The following HEATR4 variants were observed in gnomAD, a reference collection of about 807,000 sequenced individuals.
HEATR4 encodes HEAT repeat-containing protein 4.
In HEATR4, 95 loss-of-function variants were observed where a neutral mutation model predicts 108.8. The ratio of observed to expected loss-of-function variants is 0.87; its 90% CI spans 0.74 to 1.04. The LOEUF (loss-of-function observed/expected upper bound fraction) is 1.04, where lower values mean the gene tolerates loss of function less well. Ranked by LOEUF, HEATR4 falls within the 50% of genes least tolerant of loss-of-function variation. The probability of loss-of-function intolerance (pLI) is 0.00; values close to 1 mark genes in which losing one functional copy is unlikely to be tolerated. For synonymous variants in HEATR4, 443 were observed against 459.4 expected, an observed-to-expected ratio of 0.96 and a Z score of 0.46; for missense variants, 1,152 against 1,253.8, an observed-to-expected ratio of 0.92 and a Z score of 1.23.
chr14:73,560,841 G>T (rs184950459), upstream of HEATR4, among the ~76,000 whole-genome samples: 1,089 of 151,864 alleles, frequency 7.2e-3, 15 homozygotes, highest in African/African-American at 0.025. Flanking sequence ...CCTGTTGAAG[G>T]TTCCTCAAAA....
chr14:73,505,177 A>C (rs1886731596), intron 10 of HEATR4, among the ~76,000 whole-genome samples: 1 of 152,094 alleles, frequency 6.6e-6, no homozygotes, highest in Admixed American at 6.6e-5. Context: ...TCAGCCTCCC[A>C]AGGTGCTGGG....
the HEATR4 span, chr14:73,619,894 G>A: frequency 2.1e-6 from 3 of 1,447,522 alleles, no homozygotes; most frequent in East Asian, 4.8e-5. Context: ...TACAACTTGT[G>A]TTGGGTTTTC....
At chr14:73,564,444 A>G in the HEATR4 span, among the ~76,000 whole-genome samples, 1 of 151,744 alleles carries the variant, frequency 6.6e-6, no homozygotes, top group Non-Finnish European at 1.5e-5. Context: ...GTCTGTACAA[A>G]TAATTTTAAA....
At position 73,538,095 on chromosome 14, in the gene HEATR4, A is replaced by C. The variant is rs1343564739; in HGVS notation, c.-151-7851T>G. Among the ~76,000 whole-genome samples, 2 of 113,324 alleles carry C rather than the reference A, an allele frequency of 1.8e-5. 1 individual carries two copies. Among genetic ancestry groups the C allele is most frequent in the African/African-American group, 5.8e-5 (2 of 34,752 alleles). 74.3% of individuals were successfully genotyped at this position (113,324 alleles called of 152,430 possible). A position where few individuals can be genotyped will look rare whatever the true frequency, so the allele number is the denominator to read the frequency against. Reference sequence around the variant, plus strand: ...TCCCGCCTCTGCCTCCCCAAGAGCTAGGATTGCAGGGTGAGCCACTGCGCC... The same window carrying C: ...TCCCGCCTCTGCCTCCCCAAGAGCTCGGATTGCAGGGTGAGCCACTGCGCC... On this transcript the variant is annotated intron_variant, in intron 1 of 17. Coordinates refer to ENST00000553558, the MANE Select transcript of HEATR4 (RefSeq NM_001220484.1).
In HEATR4 at chr14:73,557,867, CT is replaced by C. The variant is rs10661756; in HGVS notation, c.-152+883del. 4.1e-3 allele frequency among the ~76,000 whole-genome samples: 334 copies of C among 81,212 alleles called. 5 individuals are homozygous for C. The highest frequency in any genetic ancestry group is 9.2e-3 in the African/African-American group (242 of 26,350). The allele number at this position is 81,212 out of a possible 152,430, so 53.3% of individuals were successfully genotyped here. On this transcript the variant is annotated intron_variant, in intron 1 of 17. Coordinates refer to ENST00000553558, the MANE Select transcript of HEATR4 (RefSeq NM_001220484.1). ...ACCATGCCTGGCTAATGTTTTAAAA[CT>C]TTTTTTTGTAGAGACAGGGTCTTAC...
At chr14:73,633,002 TCTCTC>T in the HEATR4 span, among the ~76,000 whole-genome samples, 157 of 119,326 alleles carry the variant, frequency 1.3e-3, no homozygotes, top group Non-Finnish European at 1.3e-3. Context: ...TCTCTCTCTC[TCTCTC>T]TTTTTTTTTT....
At chr14:73,585,580 G>A in the HEATR4 span, among the ~76,000 whole-genome samples, 5 of 151,732 alleles carry the variant, frequency 3.3e-5, no homozygotes, top group Non-Finnish European at 5.9e-5. Context: ...TCCCAGCTAC[G>A]GGGGAGGCTG....
At chr14:73,609,622 G>A in the HEATR4 span, among the ~76,000 whole-genome samples, 1 of 152,080 alleles carries the variant, frequency 6.6e-6, no homozygotes, top group Non-Finnish European at 1.5e-5. Context: ...CCCTTGGGAA[G>A]GTTGTTCTAT....
At chr14:73,501,597 A>G (rs11624684) in intron 11 of HEATR4, among the ~76,000 whole-genome samples, 20,525 of 110,886 alleles carry the variant, frequency 0.19, 1,892 homozygotes, top group Middle Eastern at 0.41. Flanking sequence ...TTTTTGAGAT[A>G]GGGTCTTTCT....
chr14:73,485,871 A>G (rs1332973698), intron 17 of HEATR4, among the ~76,000 whole-genome samples: 1 of 150,400 alleles, frequency 6.6e-6, no homozygotes, highest in Non-Finnish European at 1.5e-5. Flanking sequence ...TCTGTCTCAA[A>G]AAAAAAAAAA....
chr14:73,590,116 A>AGCTCTGGCAGTGCT, the HEATR4 span, among the ~76,000 whole-genome samples: 2 of 151,992 alleles, frequency 1.3e-5, no homozygotes, highest in Admixed American at 6.6e-5. Context: ...TGCCACTGCT[A>AGCTCTGGCAGTGCT]GCTCTGGCAG....
chr14:73,592,099 G>T, the HEATR4 span: 1 of 1,500,952 alleles, frequency 6.7e-7, no homozygotes. Flanking sequence ...GCGCTCTTCC[G>T]GGCCCACGCG....
At chr14:73,567,312 A>G in the HEATR4 span, among the ~76,000 whole-genome samples, 1 of 152,082 alleles carries the variant, frequency 6.6e-6, no homozygotes, top group Non-Finnish European at 1.5e-5. Flanking sequence ...GGGTTCTTGT[A>G]AGTATTAACC....
chr14:73,574,499 A>C, the HEATR4 span: 2 of 338,380 alleles, frequency 5.9e-6, no homozygotes, highest in Non-Finnish European at 1.1e-5. Context: ...CTGACCTCAA[A>C]TGATCCACCC....
chr14:73,505,013 C>T (rs1194197374), intron 10 of HEATR4, among the ~76,000 whole-genome samples: 1 of 151,968 alleles, frequency 6.6e-6, no homozygotes, highest in Non-Finnish European at 1.5e-5. Flanking sequence ...CTCACTGAAA[C>T]CGCCGCCTCC....
chr14:73,522,014 T>G (rs542309941), intron 3 of HEATR4, among the ~76,000 whole-genome samples: 4 of 152,362 alleles, frequency 2.6e-5, no homozygotes, highest in Non-Finnish European at 5.9e-5. Context: ...TGTGCTCTGG[T>G]GGGTATGAGC....
At chr14:73,501,569 C>CTTTTTTT (rs1204245183) in intron 11 of HEATR4, among the ~76,000 whole-genome samples, 1 of 108,162 alleles carries the variant, frequency 9.2e-6, no homozygotes, top group Non-Finnish European at 1.9e-5. Context: ...GTCTCTCTCT[C>CTTTTTTT]TTTTTTTTTT....
chr14:73,497,813 A>C (rs1293469670), intron 14 of HEATR4, among the ~76,000 whole-genome samples: 1 of 151,868 alleles, frequency 6.6e-6, no homozygotes, highest in African/African-American at 2.4e-5. Flanking sequence ...TTTAGTAGAG[A>C]CAGGGTTTCT....
chr14:73,617,319 G>C, the HEATR4 span: 3 of 1,321,670 alleles, frequency 2.3e-6, no homozygotes, highest in Non-Finnish European at 3.2e-6. Flanking sequence ...TCCTTCAAAG[G>C]TTACTAGGGT....
Sources: gnomAD v4.1 joint callset for allele counts (sites outside exome capture counted in the v4.1 genomes callset) on GRCh38, gnomAD v4.1.1 for gene constraint, MANE v1.5 for transcripts, NCBI Gene and HGNC (gene_info 2026-07-23, HGNC 2026-07-21) for gene names.